Variants in RASGRP3 observed in about 807,000 individuals in gnomAD.
RASGRP3 encodes the protein RAS guanyl releasing protein 3.
RASGRP3 carries 54 observed loss-of-function variants against 82.7 expected under a neutral mutation model. The ratio of observed to expected loss-of-function variants is 0.65; its 90% CI spans 0.52 to 0.82. The LOEUF is 0.82. Among genes scored for constraint, RASGRP3 ranks in the 40% least tolerant of loss-of-function variants. The pLI is 0.00. For missense variants in RASGRP3, 861 were observed against 828.9 expected (o/e 1.04, Z -0.48); for synonymous variants, 309 against 300.5 (o/e 1.03, Z -0.29).
At chr2:33,537,320 A>ACCACCCCCCCCCCCC (rs1266542679) in intron 11 of RASGRP3, among the ~76,000 whole-genome samples, 2 of 33,322 alleles carry the variant, frequency 6.0e-5, no homozygotes, top group Non-Finnish European at 1.1e-4. Flanking sequence ...ACACACACAC[A>ACCACCCCCCCCCCCC]CCGCCCCCCC....
chr2:33,450,331 A>T (rs1558395392), intron 2 of RASGRP3, among the ~76,000 whole-genome samples: 1 of 152,164 alleles, frequency 6.6e-6, no homozygotes, highest in African/African-American at 2.4e-5. Context: ...AACAGAACTT[A>T]TACATCTTGT....
At position 33,537,320 on chromosome 2, in the gene RASGRP3, A is replaced by ACCC. The variant is rs1266542679; in HGVS notation, c.1162-1772_1162-1771insCCC. Among the ~76,000 whole-genome samples the ACCC allele has an allele frequency of 6.3e-3, 208 of 33,226 alleles. 8 individuals carry two copies. The highest frequency in any genetic ancestry group is 8.7e-3 in the Non-Finnish European group (153 of 17,646). 21.8% of individuals were successfully genotyped at this position (33,226 alleles called of 152,430 possible). On this transcript the variant is annotated intron_variant, in intron 11 of 17. Transcript: ENST00000403687. Reference sequence around the variant, plus strand: ...GTCTCTAAAATACACACACACACACACCGCCCCCCCCACACACACACACAA... The same window carrying ACCC: ...GTCTCTAAAATACACACACACACACACCCCCGCCCCCCCCACACACACACACAA...
chr2:33,506,246 T>A (rs905597620), intron 1 of RASGRP3, among the ~76,000 whole-genome samples: 1 of 152,224 alleles, frequency 6.6e-6, no homozygotes, highest in African/African-American at 2.4e-5. Context: ...TAACAAACCT[T>A]TGTTCTGGAC....
At chr2:33,477,634 G>A (rs1667497408) in intron 1 of RASGRP3, among the ~76,000 whole-genome samples, 1 of 152,212 alleles carries the variant, frequency 6.6e-6, no homozygotes. Context: ...AGCAAAGCAG[G>A]CACCATGCTG....
intron 2 of RASGRP3, among the ~76,000 whole-genome samples, chr2:33,449,250 G>A (rs895886781): frequency 6.6e-6 from 1 of 152,302 alleles, no homozygotes; most frequent in African/African-American, 2.4e-5. Context: ...ATGAATGAAA[G>A]TATTAACAAA....
intron 12 of RASGRP3, among the ~76,000 whole-genome samples, chr2:33,540,554 TTTTGTGTGTG>T (rs1292115836): frequency 0.061 from 1,590 of 26,158 alleles, 86 homozygotes; most frequent in African/African-American, 0.12. Context: ...TGTGTGTGTG[TTTTGTGTGTG>T]TGTGTGTGTG....
intron 14 of RASGRP3, among the ~76,000 whole-genome samples, chr2:33,553,521 A>AATT (rs1413924453): frequency 6.6e-6 from 1 of 152,052 alleles, no homozygotes; most frequent in Non-Finnish European, 1.5e-5. Context: ...GGAGATTGCA[A>AATT]ATTATCTAAC....
Position 33,521,985 on chromosome 2 carries a change from A to G in RASGRP3, c.399A>G (p.Thr133=). 1 of 1,613,788 alleles carries G rather than the reference A, an allele frequency of 6.2e-7. No homozygotes were observed. Among genetic ancestry groups the G allele is most frequent in the Non-Finnish European group, 8.5e-7 (1 of 1,179,804 alleles). The part of the protein sequence containing the change: ...IPSYDWMRRV[T]QRKKVSKKGK... The stretch of plus-strand genomic sequence containing the variant: ...CCTATGACTGGATGAGAAGAGTCAC[A>G]CAGAGGAAAAAAGTATCCAAGAAGG... Residue 133 remains threonine, a synonymous_variant, in exon 7 of 18, where the codon ACA becomes ACG. Transcript: ENST00000403687.
At position 33,503,138 on chromosome 2, in the gene RASGRP3, G is replaced by C. The variant is rs192885334; in HGVS notation, c.-260-8572G>C. ...AAATTTCAACCACTTTACAAATTTA[G>C]TTGGGAACATTTCACAATTTTAGGA... On this transcript the variant is annotated intron_variant, in intron 1 of 17. Transcript: ENST00000403687. Among the ~76,000 whole-genome samples, 615 of 152,278 alleles carry C rather than the reference G, an allele frequency of 4.0e-3. 3 individuals carry two copies. The highest frequency in any genetic ancestry group is 0.014 in the African/African-American group (586 of 41,558).
chr2:33,524,380 G>T, intron 8 of RASGRP3, 52 bp from the exon 9 acceptor site: 1 of 1,225,244 alleles, frequency 8.2e-7, no homozygotes, highest in Non-Finnish European at 1.2e-6. Flanking sequence ...AATTCAGAAA[G>T]TTTAGAATAA....
intron 9 of RASGRP3, 49 bp downstream of exon 9, chr2:33,524,597 T>C (rs1246696185): frequency 1.4e-6 from 2 of 1,400,984 alleles, no homozygotes; most frequent in Non-Finnish European, 2.0e-6. Flanking sequence ...CATTTGTAAA[T>C]TGTTCAGGTT....
intron 2 of RASGRP3, among the ~76,000 whole-genome samples, chr2:33,449,567 G>C (rs575116493): frequency 6.6e-6 from 1 of 152,152 alleles, no homozygotes; most frequent in African/African-American, 2.4e-5. Context: ...TGAGACCATT[G>C]TGGCCAACAT....
chr2:33,444,511 G>A (rs1264312519), intron 1 of RASGRP3, among the ~76,000 whole-genome samples: 1 of 152,118 alleles, frequency 6.6e-6, no homozygotes, highest in African/African-American at 2.4e-5. Context: ...GTGCCTAGTG[G>A]CTACTGTATA....
chr2:33,560,808 A>C (rs1676564735), intron 17 of RASGRP3, among the ~76,000 whole-genome samples: 1 of 152,250 alleles, frequency 6.6e-6, no homozygotes, highest in East Asian at 1.9e-4. Context: ...TTTAACAAAT[A>C]GTGAAATTGG....
chr2:33,530,485 C>A (rs1456685514), intron 10 of RASGRP3, among the ~76,000 whole-genome samples: 4 of 150,894 alleles, frequency 2.7e-5, no homozygotes, highest in Admixed American at 6.6e-5. Flanking sequence ...GTAACATCAC[C>A]CCTGCCCCTT....
At chr2:33,529,311 G>A (rs545865084) in intron 10 of RASGRP3, among the ~76,000 whole-genome samples, 2 of 151,432 alleles carry the variant, frequency 1.3e-5, no homozygotes, top group South Asian at 2.1e-4. Flanking sequence ...TGGCTAACAC[G>A]GTGAAACGCC....
At chr2:33,536,541 C>T (rs1245719718) in intron 11 of RASGRP3, among the ~76,000 whole-genome samples, 4 of 151,810 alleles carry the variant, frequency 2.6e-5, no homozygotes, top group Non-Finnish European at 5.9e-5. Context: ...TTTAGTTTTA[C>T]TTTAGTTTAT....
At chr2:33,547,516 G>A (rs1458796010) in intron 13 of RASGRP3, among the ~76,000 whole-genome samples, 1 of 152,054 alleles carries the variant, frequency 6.6e-6, no homozygotes, top group Non-Finnish European at 1.5e-5. Context: ...AGCCTGGGCA[G>A]GGAGTACAGG....
chr2:33,564,662 A>G lies in RASGRP3; in HGVS notation c.*1925A>G, dbSNP rs1474402592. On this transcript the variant is annotated 3_prime_UTR_variant, in exon 18 of 18. Coordinates refer to ENST00000403687, the MANE Select transcript of RASGRP3 (RefSeq NM_001139488.2). Reference sequence around the variant, plus strand: ...AGTTTTCGTACATAGGAAGTTTTATATTGCCAGCCTTCCTGTGATAAAGAT... The same window carrying G: ...AGTTTTCGTACATAGGAAGTTTTATGTTGCCAGCCTTCCTGTGATAAAGAT... The G allele has an allele frequency of 1.3e-5, 2 of 152,172 alleles. No homozygotes were observed. The highest frequency in any genetic ancestry group is 2.9e-5 in the Non-Finnish European group (2 of 68,018). The allele number at this position is 152,172 out of a possible 1,614,324, so 9.4% of individuals were successfully genotyped here. A position where few individuals can be genotyped will look rare whatever the true frequency, so the allele number is the denominator to read the frequency against.
Sources: gnomAD v4.1 joint callset for allele counts (sites outside exome capture counted in the v4.1 genomes callset) on GRCh38, gnomAD v4.1.1 for gene constraint, MANE v1.5 for transcripts, NCBI Gene and HGNC (gene_info 2026-07-23, HGNC 2026-07-21) for gene names.